The following RNLS variants were observed in gnomAD, a reference collection of about 807,000 sequenced individuals.
The protein encoded by RNLS is renalase.
In RNLS, 39 loss-of-function variants were observed where a neutral mutation model predicts 39.8. The ratio of observed to expected loss-of-function variants is 0.98; its 90% CI spans 0.76 to 1.28. The LOEUF is 1.28. Ranked by LOEUF, RNLS falls within the 50% of genes most tolerant of loss-of-function variation. RNLS has a pLI of 0.00. For missense variants in RNLS, 410 were observed against 413.3 expected (o/e 0.99, Z 0.07); for synonymous variants, 147 against 150.7 (o/e 0.98, Z 0.18).
the RNLS span, among the ~76,000 whole-genome samples, chr10:88,182,872 A>G: frequency 6.6e-6 from 1 of 152,232 alleles, no homozygotes; most frequent in East Asian, 1.9e-4. Context: ...AGTTGTGGAA[A>G]GGCAACCTAG....
intron 4 of RNLS, among the ~76,000 whole-genome samples, chr10:88,386,356 G>A (rs1472153185): frequency 6.6e-6 from 1 of 152,000 alleles, no homozygotes; most frequent in African/African-American, 2.4e-5. Context: ...GGCTAAAATT[G>A]GTTAGTTCTA....
At chr10:88,459,210 T>A (rs1170556610) in intron 4 of RNLS, among the ~76,000 whole-genome samples, 2 of 151,826 alleles carry the variant, frequency 1.3e-5, no homozygotes, top group Admixed American at 1.3e-4. Context: ...AAGCTTTTGG[T>A]AGATAAGGAC....
Position 88,382,411 on chromosome 10 carries a change from A to G in RNLS, c.527-19686T>C, listed in dbSNP as rs954690764. Among the ~76,000 whole-genome samples the G allele has an allele frequency of 5.3e-5, 8 of 152,286 alleles. No individual in the cohort carries two copies. The East Asian group carries it at 1.3e-3, about 26-fold the overall frequency. ...TCACCAGTAACCAATAGTCATAGAA[A>G]TAAAAAATTAAATTGAATATATCAT... On this transcript the variant is annotated intron_variant, in intron 4 of 6. Transcript: ENST00000331772.
chr10:88,554,347 A>C (rs1359320509), intron 4 of RNLS, among the ~76,000 whole-genome samples: 2 of 152,128 alleles, frequency 1.3e-5, no homozygotes, highest in African/African-American at 4.8e-5. Context: ...TCATTTATTC[A>C]TTCACTCAAA....
chr10:88,445,343 G>C (rs185102997), intron 4 of RNLS, among the ~76,000 whole-genome samples: 28,332 of 152,088 alleles, frequency 0.19, 2,909 homozygotes, highest in Middle Eastern at 0.29. Flanking sequence ...AGGAACAACT[G>C]GTACCAGCCA....
At chr10:88,512,230 T>C (rs1179155117) in intron 4 of RNLS, among the ~76,000 whole-genome samples, 1 of 152,148 alleles carries the variant, frequency 6.6e-6, no homozygotes, top group African/African-American at 2.4e-5. Context: ...GAAGATGCGA[T>C]TTAGAGAAAA....
At chr10:88,174,520 A>G in the RNLS span, among the ~76,000 whole-genome samples, 4 of 152,086 alleles carry the variant, frequency 2.6e-5, no homozygotes, top group African/African-American at 7.2e-5. Context: ...AGATGATCAT[A>G]TGTTTTTTGT....
At chr10:88,237,925 C>A in the RNLS span, among the ~76,000 whole-genome samples, 1 of 152,140 alleles carries the variant, frequency 6.6e-6, no homozygotes, top group Non-Finnish European at 1.5e-5. Flanking sequence ...GTTGTTCCCC[C>A]CAAAATCATA....
intron 4 of RNLS, among the ~76,000 whole-genome samples, chr10:88,423,342 G>A (rs973462925): frequency 6.6e-6 from 1 of 152,124 alleles, no homozygotes; most frequent in Non-Finnish European, 1.5e-5. Context: ...AACAGGTTCT[G>A]TTCATTTGGA....
At chr10:88,401,120 AT>A (rs981826988) in intron 4 of RNLS, among the ~76,000 whole-genome samples, 4 of 151,752 alleles carry the variant, frequency 2.6e-5, no homozygotes, top group Non-Finnish European at 4.4e-5. Context: ...GTTGCCATTG[AT>A]TTGTAAGGTA....
chr10:88,575,214 G>GTATA (rs10583088), intron 3 of RNLS, among the ~76,000 whole-genome samples: 5 of 128,678 alleles, frequency 3.9e-5, no homozygotes, highest in Non-Finnish European at 7.9e-5. Flanking sequence ...ATATGTGTGT[G>GTATA]TATATATATA....
At chr10:88,449,102 A>G (rs959254265) in intron 4 of RNLS, among the ~76,000 whole-genome samples, 5 of 152,244 alleles carry the variant, frequency 3.3e-5, no homozygotes, top group African/African-American at 1.2e-4. Context: ...TACATATGTA[A>G]CAAACCTGCA....
intron 4 of RNLS, among the ~76,000 whole-genome samples, chr10:88,396,673 G>A (rs1198540957): frequency 1.4e-5 from 2 of 146,722 alleles, no homozygotes; most frequent in African/African-American, 2.5e-5. Context: ...TTAATTAAAC[G>A]CTGATTTAAG....
At chr10:88,307,562 T>C (rs894306585) in intron 6 of RNLS, among the ~76,000 whole-genome samples, 1 of 152,166 alleles carries the variant, frequency 6.6e-6, no homozygotes, top group Non-Finnish European at 1.5e-5. Flanking sequence ...AAATCAGGAA[T>C]GCAATCCCAT....
intron 4 of RNLS, among the ~76,000 whole-genome samples, chr10:88,413,097 T>C (rs765258697): frequency 1.8e-4 from 28 of 152,158 alleles, no homozygotes; most frequent in Non-Finnish European, 3.4e-4. Flanking sequence ...CTGTCTGAGG[T>C]CATATAATGC....
chr10:88,562,816 G>C (rs1390133392), intron 4 of RNLS, among the ~76,000 whole-genome samples: 2 of 152,122 alleles, frequency 1.3e-5, no homozygotes, highest in South Asian at 4.1e-4. Flanking sequence ...CAACACAGCA[G>C]TTATCTCAAT....
At chr10:88,554,324 C>A (rs1435408897) in intron 4 of RNLS, among the ~76,000 whole-genome samples, 2 of 151,932 alleles carry the variant, frequency 1.3e-5, no homozygotes, top group Non-Finnish European at 2.9e-5. Context: ...ATAGCATTAA[C>A]TAACTTTTTG....
intron 5 of RNLS, among the ~76,000 whole-genome samples, chr10:88,348,666 C>CT (rs1848475941): frequency 6.6e-6 from 1 of 152,080 alleles, no homozygotes; most frequent in Admixed American, 6.6e-5. Flanking sequence ...ATCTATTGAA[C>CT]TTTTTTGGCA....
At chr10:88,230,076 C>A in the RNLS span, among the ~76,000 whole-genome samples, 1 of 152,084 alleles carries the variant, frequency 6.6e-6, no homozygotes, top group Non-Finnish European at 1.5e-5. Context: ...ATGGAGTTGT[C>A]TGGGACAAAT....
Sources: allele counts gnomAD v4.1 joint callset (sites outside exome capture counted in the v4.1 genomes callset), GRCh38; gene constraint gnomAD v4.1.1; transcripts MANE v1.5; gene names NCBI Gene and HGNC (gene_info 2026-07-23, HGNC 2026-07-21).